Variants in VGLL4 observed in about 807,000 individuals in gnomAD.
The protein encoded by VGLL4 is vestigial like family member 4, also known as transcription cofactor vestigial-like protein 4.
Under a neutral mutation model 21.0 loss-of-function variants are expected in VGLL4, and 7 were observed. That is an observed-to-expected ratio of 0.33 (90% confidence interval 0.19 to 0.63). VGLL4 has a LOEUF of 0.63. Ranked by LOEUF, VGLL4 falls within the 20% of genes least tolerant of loss-of-function variation. VGLL4 has a pLI of 0.78. For missense variants in VGLL4, 394 were observed against 425.7 expected (o/e 0.93, Z 0.66); for synonymous variants, 222 against 173.2 (o/e 1.28, Z -2.21).
intron 2 of VGLL4, among the ~76,000 whole-genome samples, chr3:11,586,787 G>A (rs1263392899): frequency 1.3e-5 from 2 of 152,160 alleles, no homozygotes; most frequent in African/African-American, 2.4e-5. Context: ...GCTTTGTCGG[G>A]AGCCCTCAAA....
In VGLL4 at chr3:11,564,831, A is replaced by C. The variant is rs760855469; in HGVS notation, c.461T>G (p.Leu154Arg). 6.3e-7 allele frequency: 1 copy of C among 1,593,490 alleles called. No homozygotes were observed. Among genetic ancestry groups the C allele is most frequent in the Non-Finnish European group, 8.5e-7 (1 of 1,171,476 alleles). The change falls in exon 3 of 5, where the codon CTC becomes CGC. Residue 154 changes from leucine to arginine, a missense_variant. Transcript: ENST00000430365. Reference sequence around the variant, plus strand: ...CTCCCCCGGGGTCAGTGTGGGCGAGAGGCCGGCTGGCCTGCTGGCGTCCAG... The same window carrying C: ...CTCCCCCGGGGTCAGTGTGGGCGAGCGGCCGGCTGGCCTGCTGGCGTCCAG... ...NSLDASRPAG[L>R]SPTLTPGERQ...
At chr3:11,598,731 A>G (rs1042533100) in intron 2 of VGLL4, among the ~76,000 whole-genome samples, 1 of 152,168 alleles carries the variant, frequency 6.6e-6, no homozygotes, top group Non-Finnish European at 1.5e-5. Context: ...GGCTCAAGCA[A>G]TCTGCCTGCC....
At chr3:11,690,688 A>G (rs960243783) in intron 2 of VGLL4, among the ~76,000 whole-genome samples, 2 of 152,216 alleles carry the variant, frequency 1.3e-5, no homozygotes, top group Non-Finnish European at 2.9e-5. Flanking sequence ...TGAGACAGGC[A>G]GTCCTAGAAA....
At chr3:11,621,973 C>T (rs1287403690) in intron 1 of VGLL4, among the ~76,000 whole-genome samples, 2 of 152,084 alleles carry the variant, frequency 1.3e-5, no homozygotes, top group Non-Finnish European at 2.9e-5. Flanking sequence ...AATCCTTTGC[C>T]CATTTTTAAA....
At chr3:11,648,356 T>C (rs113085978), upstream of VGLL4, among the ~76,000 whole-genome samples, 316 of 152,324 alleles carry the variant, frequency 2.1e-3, 1 homozygote, top group African/African-American at 7.4e-3. Context: ...CCTTATACTG[T>C]ACATCAAAAT....
intron 2 of VGLL4, among the ~76,000 whole-genome samples, chr3:11,688,595 T>C (rs1490804967): frequency 6.6e-6 from 1 of 152,242 alleles, no homozygotes; most frequent in African/African-American, 2.4e-5. Context: ...TCTATAATTA[T>C]ACATTTTGTT....
rs574160615 is a variant in VGLL4 at position 11,711,483 on chromosome 3, C to T, written c.-13-8436G>A. On this transcript the variant is annotated intron_variant, in intron 1 of 5. Transcript: ENST00000273038. ...GGAGGCTGAGGAGGCAGAAGAATGG[C>T]GTGAACCCGGGAGGCAGAGCTTGCA... 8.9e-4 allele frequency among the ~76,000 whole-genome samples: 135 copies of T among 151,470 alleles called. No homozygotes were observed. The Middle Eastern group carries it at 0.014, about 15-fold the overall frequency.
intron 1 of VGLL4, among the ~76,000 whole-genome samples, chr3:11,603,998 G>A (rs909560442): frequency 2.0e-5 from 3 of 152,178 alleles, no homozygotes; most frequent in Non-Finnish European, 4.4e-5. Context: ...TTCATCCAAC[G>A]GATGCAGTGC....
chr3:11,556,656 GGAAAGGGAAAAAT>G lies in VGLL4; in HGVS notation c.*1887_*1899del, dbSNP rs1414500912. On this transcript the variant is annotated 3_prime_UTR_variant, in exon 5 of 5. Transcript: ENST00000430365. ...ACAAAAAAAATGAATGATTACAATA[GGAAAGGGAAAAAT>G]TAAATAGCTACATATCATTAACAAA... 1 of 152,376 alleles carries G rather than the reference GGAAAGGGAAAAAT, an allele frequency of 6.6e-6. No homozygotes were observed. Among genetic ancestry groups the G allele is most frequent in the Non-Finnish European group, 1.5e-5 (1 of 67,992 alleles). The allele number at this position is 152,376 out of a possible 1,614,324, so 9.4% of individuals were successfully genotyped here. A position where few individuals can be genotyped will look rare whatever the true frequency, so the allele number is the denominator to read the frequency against.
At chr3:11,684,736 G>A (rs547114600) in intron 2 of VGLL4, among the ~76,000 whole-genome samples, 2 of 149,838 alleles carry the variant, frequency 1.3e-5, no homozygotes, top group East Asian at 5.5e-4. Flanking sequence ...TTTTCTGTGT[G>A]TGTGTGTGTG....
chr3:11,707,289 C>A (rs1009774132), intron 1 of VGLL4, among the ~76,000 whole-genome samples: 4 of 142,362 alleles, frequency 2.8e-5, no homozygotes, highest in Non-Finnish European at 4.5e-5. Flanking sequence ...AATTGCACCA[C>A]TGCACTCCAG....
intron 2 of VGLL4, among the ~76,000 whole-genome samples, chr3:11,580,816 T>C (rs993739946): frequency 1.3e-5 from 2 of 152,188 alleles, no homozygotes; most frequent in African/African-American, 4.8e-5. Flanking sequence ...CCAGCAAACT[T>C]GGGCACACAA....
intron 1 of VGLL4, among the ~76,000 whole-genome samples, chr3:11,709,861 T>C (rs779350455): frequency 3.3e-5 from 5 of 152,202 alleles, no homozygotes; most frequent in Non-Finnish European, 7.3e-5. Flanking sequence ...CTTGGTGTGT[T>C]AGTCCATTTT....
At position 11,719,967 on chromosome 3, in the gene VGLL4, G is replaced by T. The variant is rs2076971839; in HGVS notation, c.-14+427C>A. 6.6e-6 allele frequency among the ~76,000 whole-genome samples: 1 copy of T among 152,118 alleles called. No individual in the cohort carries two copies. The highest frequency in any genetic ancestry group is 2.4e-5 in the African/African-American group (1 of 41,440). Reference sequence around the variant, plus strand: ...CATCTCGCACGCCCCCGCCCCCGAGGCCCCGCCAGGGGACACAGCGCCGTG... The same window carrying T: ...CATCTCGCACGCCCCCGCCCCCGAGTCCCCGCCAGGGGACACAGCGCCGTG... On this transcript the variant is annotated intron_variant, in intron 1 of 5. Coordinates refer to the VGLL4 transcript ENST00000273038. The surrounding 1 kb of genome is among the most constrained non-coding windows in gnomAD (Gnocchi z 4.0).
At chr3:11,678,329 T>G (rs2076323510) in intron 2 of VGLL4, among the ~76,000 whole-genome samples, 2 of 152,184 alleles carry the variant, frequency 1.3e-5, no homozygotes, top group Non-Finnish European at 2.9e-5. Flanking sequence ...GTGCTGGGAT[T>G]ACAGGCGTGA....
At chr3:11,636,585 A>T (rs1276287031) in intron 1 of VGLL4, among the ~76,000 whole-genome samples, 1 of 152,216 alleles carries the variant, frequency 6.6e-6, no homozygotes, top group Non-Finnish European at 1.5e-5. Context: ...TGGCACAGCA[A>T]CAAAGTTGAC....
chr3:11,638,717 T>C (rs1446573444), intron 1 of VGLL4, among the ~76,000 whole-genome samples: 1 of 152,156 alleles, frequency 6.6e-6, no homozygotes, highest in Non-Finnish European at 1.5e-5. Flanking sequence ...GGGTACGAAA[T>C]GGCCCTGCGC....
At chr3:11,671,268 G>A (rs1215195831) in intron 2 of VGLL4, 2 of 1,596,906 alleles carry the variant, frequency 1.3e-6, no homozygotes, top group Non-Finnish European at 1.7e-6. Flanking sequence ...TTACCATGGT[G>A]CAGACCTGGA....
intron 1 of VGLL4, among the ~76,000 whole-genome samples, chr3:11,714,666 G>A (rs1314845864): frequency 1.3e-5 from 2 of 151,676 alleles, no homozygotes; most frequent in African/African-American, 4.8e-5. Context: ...GCCTTATACA[G>A]CAAGGCATAT....
Sources: allele counts gnomAD v4.1 joint callset (sites outside exome capture counted in the v4.1 genomes callset), GRCh38; gene constraint gnomAD v4.1.1; non-coding constraint Gnocchi (gnomAD v3.1); transcripts MANE v1.5; gene names NCBI Gene and HGNC (gene_info 2026-07-23, HGNC 2026-07-21).